The following MACROD2 variants were observed in gnomAD, a reference collection of about 807,000 sequenced individuals.
The protein encoded by MACROD2 is mono-ADP ribosylhydrolase 2.
MACROD2 carries 36 observed loss-of-function variants against 70.4 expected under a neutral mutation model. The ratio of observed to expected loss-of-function variants is 0.51; its 90% CI spans 0.39 to 0.68. The LOEUF is 0.68. Among genes scored for constraint, MACROD2 ranks in the 30% least tolerant of loss-of-function variants. MACROD2 has a pLI of 0.00. For missense variants in MACROD2, 496 were observed against 538.4 expected (o/e 0.92, Z 0.78); for synonymous variants, 172 against 178.8 (o/e 0.96, Z 0.30).
intron 5 of MACROD2, among the ~76,000 whole-genome samples, chr20:14,987,256 G>C (rs2074857790): frequency 6.6e-6 from 1 of 152,052 alleles, no homozygotes; most frequent in Non-Finnish European, 1.5e-5. Context: ...TAGAGCCACA[G>C]CTTACTTATT....
chr20:15,806,838 G>A lies in MACROD2; in HGVS notation c.646-55907G>A, dbSNP rs957188092. ...CTCTATGACCTTAATTCGGCCATGT[G>A]GATAAGGGGTTCTAAAAAATTGAAA... On this transcript the variant is annotated intron_variant, in intron 8 of 17. Transcript: ENST00000684519. Among the ~76,000 whole-genome samples, 30 of 152,084 alleles carry A rather than the reference G, an allele frequency of 2.0e-4. 1 individual carries two copies. The highest frequency in any genetic ancestry group is 7.4e-5 in the Non-Finnish European group (5 of 68,014).
intron 10 of MACROD2, among the ~76,000 whole-genome samples, chr20:15,886,831 G>A (rs1601060455): frequency 6.6e-6 from 1 of 152,060 alleles, no homozygotes; most frequent in Non-Finnish European, 1.5e-5. Flanking sequence ...AGTTTTCTTT[G>A]GAGGATTAAA....
intron 9 of MACROD2, among the ~76,000 whole-genome samples, chr20:15,869,635 G>A (rs1217032137): frequency 3.3e-5 from 5 of 151,880 alleles, no homozygotes; most frequent in African/African-American, 9.7e-5. Flanking sequence ...GTTAGAACTA[G>A]GTAAACTTAA....
chr20:14,619,606 G>A (rs1983714523), intron 4 of MACROD2, among the ~76,000 whole-genome samples: 1 of 151,954 alleles, frequency 6.6e-6, no homozygotes, highest in East Asian at 1.9e-4. Flanking sequence ...GAGATAACTA[G>A]GCATAATGGA....
At chr20:15,122,661 T>G (rs1391537558) in intron 5 of MACROD2, among the ~76,000 whole-genome samples, 1 of 152,204 alleles carries the variant, frequency 6.6e-6, no homozygotes, top group Non-Finnish European at 1.5e-5. Flanking sequence ...TTCATTAATG[T>G]AGAGCTTTGT....
chr20:15,431,514 G>C, intron 7 of MACROD2, 79 bp downstream of exon 7: 2 of 1,319,928 alleles, frequency 1.5e-6, no homozygotes, highest in African/African-American at 1.5e-5. Context: ...AAAAATAAGA[G>C]GTTCTCTGAT....
chr20:14,978,864 ATATAT>A (rs1263198964), intron 5 of MACROD2, among the ~76,000 whole-genome samples: 135 of 125,244 alleles, frequency 1.1e-3, no homozygotes, highest in African/African-American at 3.0e-3. Flanking sequence ...TATATATATA[ATATAT>A]TATATAATAT....
intron 2 of MACROD2, among the ~76,000 whole-genome samples, chr20:14,025,514 G>T (rs1425572530): frequency 6.6e-6 from 1 of 152,102 alleles, no homozygotes; most frequent in African/African-American, 2.4e-5. Context: ...CACTGCTTTA[G>T]CTGTGTCCCA....
intron 5 of MACROD2, among the ~76,000 whole-genome samples, chr20:14,789,771 C>A (rs557124958): frequency 6.6e-6 from 1 of 151,892 alleles, no homozygotes; most frequent in South Asian, 2.1e-4. Context: ...CCACTGCACC[C>A]GGCCAGGTCC....
In MACROD2 at chr20:15,083,345, T is replaced by A. The variant is rs404513; in HGVS notation, c.419-146595T>A. 3.9e-5 allele frequency among the ~76,000 whole-genome samples: 6 copies of A among 151,950 alleles called. No individual in the cohort carries two copies. In the East Asian group the frequency reaches 9.7e-4, roughly 24 times the overall value. On this transcript the variant is annotated intron_variant, in intron 5 of 17. Transcript: ENST00000684519. ...AGCAGACACACACCCTATTTTCTTC[T>A]TTCACTAAAACCAATCATTCCCTAT...
intron 10 of MACROD2, among the ~76,000 whole-genome samples, chr20:15,886,897 A>G (rs2064829194): frequency 6.6e-6 from 1 of 152,150 alleles, no homozygotes; most frequent in Admixed American, 6.6e-5. Flanking sequence ...AAGATTCAGT[A>G]AATTATTGCT....
At chr20:15,928,226 G>C (rs1350797840) in intron 10 of MACROD2, among the ~76,000 whole-genome samples, 1 of 152,064 alleles carries the variant, frequency 6.6e-6, no homozygotes, top group Non-Finnish European at 1.5e-5. Flanking sequence ...ACTCTCAAAT[G>C]GTTCAGGAAA....
intron 5 of MACROD2, among the ~76,000 whole-genome samples, chr20:14,781,419 C>T (rs907001246): frequency 6.7e-6 from 1 of 150,012 alleles, no homozygotes; most frequent in East Asian, 2.0e-4. Flanking sequence ...CTCTGCTCTC[C>T]TGATGTTTAC....
chr20:14,355,555 G>A (rs1305989248), intron 3 of MACROD2, among the ~76,000 whole-genome samples: 4 of 148,610 alleles, frequency 2.7e-5, no homozygotes, highest in African/African-American at 9.8e-5. Flanking sequence ...GAATTATTTT[G>A]TAACCATTTA....
At chr20:15,124,325 T>C (rs186705479) in intron 5 of MACROD2, among the ~76,000 whole-genome samples, 11 of 149,828 alleles carry the variant, frequency 7.3e-5, no homozygotes, top group African/African-American at 2.7e-4. Flanking sequence ...CTTTAAACTT[T>C]TAAGCCTATA....
At chr20:15,628,289 T>G (rs1472307901) in intron 8 of MACROD2, among the ~76,000 whole-genome samples, 1 of 152,204 alleles carries the variant, frequency 6.6e-6, no homozygotes, top group African/African-American at 2.4e-5. Flanking sequence ...AATAAATAGG[T>G]CAGCCTTTAT....
In MACROD2 at chr20:14,755,041, G is replaced by A. The variant is rs578234823; in HGVS notation, c.418+70082G>A. Among the ~76,000 whole-genome samples the A allele has an allele frequency of 2.6e-5, 4 of 152,152 alleles. 1 individual carries two copies. The South Asian group carries it at 8.3e-4, about 32-fold the overall frequency. On this transcript the variant is annotated intron_variant, in intron 5 of 17. Transcript: ENST00000684519. ...ATTCACTTATCAGCTGAAAACAGCTGAGCAATCAAAGCACAGGTTCTTCCT... is the reference window on the plus strand; with the variant it reads ...ATTCACTTATCAGCTGAAAACAGCTAAGCAATCAAAGCACAGGTTCTTCCT...
intron 8 of MACROD2, among the ~76,000 whole-genome samples, chr20:15,771,953 C>G (rs8120389): frequency 6.7e-6 from 1 of 149,644 alleles, no homozygotes; most frequent in Non-Finnish European, 1.5e-5. Context: ...GGCGTAGTGG[C>G]GGGCACCTGT....
intron 5 of MACROD2, among the ~76,000 whole-genome samples, chr20:15,078,132 G>A (rs945934427): frequency 6.6e-6 from 1 of 152,112 alleles, no homozygotes; most frequent in African/African-American, 2.4e-5. Context: ...GTCCTGGGGA[G>A]TCATAAGAAA....
Sources: allele counts gnomAD v4.1 joint callset (sites outside exome capture counted in the v4.1 genomes callset), GRCh38; gene constraint gnomAD v4.1.1; transcripts MANE v1.5; gene names NCBI Gene and HGNC (gene_info 2026-07-23, HGNC 2026-07-21).